Variants in PCDHGB6 observed in about 807,000 individuals in gnomAD.
The protein encoded by PCDHGB6 is protocadherin gamma subfamily B, 6, also known as protocadherin gamma-B6.
A neutral mutation model predicts 59.1 loss-of-function variants in PCDHGB6; 51 were observed. The observed-to-expected ratio is 0.86, with a 90% CI of 0.69 to 1.09. The LOEUF (loss-of-function observed/expected upper bound fraction) is 1.09, where lower values mean the gene tolerates loss of function less well. PCDHGB6 is among the 50% of genes least tolerant of loss of function. The pLI, the probability that PCDHGB6 is intolerant of heterozygous loss-of-function variation, is 0.00. For missense variants in PCDHGB6, 1,148 were observed against 1,205.1 expected, an observed-to-expected ratio of 0.95 and a Z score of 0.70; for synonymous variants, 466 against 495.1, an observed-to-expected ratio of 0.94 and a Z score of 0.78.
chr5:141,470,550 A>G (rs899475300), intron 1 of PCDHGB6, among the ~76,000 whole-genome samples: 1 of 152,120 alleles, frequency 6.6e-6, no homozygotes, highest in Non-Finnish European at 1.5e-5. Flanking sequence ...ATTTATTGAG[A>G]GTTTCCTCTG....
chr5:141,466,812 G>A (rs1394979761), intron 1 of PCDHGB6, among the ~76,000 whole-genome samples: 3 of 151,940 alleles, frequency 2.0e-5, no homozygotes, highest in Non-Finnish European at 4.4e-5. Flanking sequence ...ATTCAGACAT[G>A]GTATAACAAG....
Position 141,431,278 on chromosome 5 carries a change from C to A in PCDHGB6, c.2418+20658C>A, listed in dbSNP as rs755533628. On this transcript the variant is annotated intron_variant, in intron 1 of 3. Transcript: ENST00000520790. The surrounding 1 kb of genome is among the most constrained non-coding windows in gnomAD (Gnocchi z 4.8). ...ACTCTCTGCAGAGCTACGAGCTCAG[C>A]CCGAACACTCACTTCTCCCTCATCG... 6.2e-7 allele frequency: 1 copy of A among 1,614,170 alleles called. No individual in the cohort carries two copies. The highest frequency in any genetic ancestry group is 8.5e-7 in the Non-Finnish European group (1 of 1,180,038).
intron 1 of PCDHGB6, among the ~76,000 whole-genome samples, chr5:141,471,992 C>T (rs2099268578): frequency 6.6e-6 from 1 of 152,070 alleles, no homozygotes; most frequent in Non-Finnish European, 1.5e-5. Flanking sequence ...TATTAAAAAT[C>T]CCTGCATCGT....
rs781234442 is a variant in PCDHGB6, at chr5:141,409,729, G to A, written c.1527G>A (p.Ala509=). ...LAVSSYVSVS[A]QSGVVFAQRA... is the part of the protein sequence containing the mutation. ...TGTCGTCATACGTGTCAGTGAGCGC[G>A]CAGAGCGGGGTGGTGTTCGCGCAGC... The change falls in exon 1 of 4, where the codon GCG becomes GCA. Residue 509 remains alanine (A), a synonymous_variant. Coordinates refer to ENST00000520790, the MANE Select transcript of PCDHGB6 (RefSeq NM_018926.3). 161 of 1,612,966 alleles carry A rather than the reference G, an allele frequency of 1.0e-4. No homozygotes were observed. Among genetic ancestry groups the A allele is most frequent in the Non-Finnish European group, 1.7e-6 (2 of 1,179,878 alleles).
chr5:141,448,505 T>C (rs1041076095), intron 1 of PCDHGB6, among the ~76,000 whole-genome samples: 24 of 152,172 alleles, frequency 1.6e-4, no homozygotes, highest in African/African-American at 5.8e-4. Flanking sequence ...AGGTAAACAT[T>C]TTATAACTTT....
chr5:141,463,644 G>C (rs1356692609), intron 1 of PCDHGB6, among the ~76,000 whole-genome samples: 1 of 151,596 alleles, frequency 6.6e-6, no homozygotes, highest in Non-Finnish European at 1.5e-5. Context: ...GTAGAGACGG[G>C]GTTTCACCGT....
At chr5:141,453,331 C>G (rs1224258701) in intron 1 of PCDHGB6, among the ~76,000 whole-genome samples, 1 of 151,962 alleles carries the variant, frequency 6.6e-6, no homozygotes, top group East Asian at 1.9e-4. Flanking sequence ...TGGGGTCTCA[C>G]TATGTTTCCC....
chr5:141,408,878 G>A lies in PCDHGB6; in HGVS notation c.676G>A (p.Ala226Thr). Reference protein sequence around the residue: ...DGGDPPRSATAHIEISVKDTN... With the variant: ...DGGDPPRSATTHIEISVKDTN... The stretch of plus-strand genomic sequence containing the variant: ...AGGGGACCCACCAAGAAGTGCCACC[G>A]CTCACATAGAAATTTCTGTCAAGGA... Residue 226 changes from alanine (A) to threonine (T), a missense_variant, in exon 1 of 4, where the codon GCT (alanine) becomes ACT (threonine). Around this residue, in one of 5 missense-constraint regions of PCDHGB6, gnomAD observed 307 missense variants for 323.8 expected, o/e 0.95. Coordinates refer to ENST00000520790, the MANE Select transcript of PCDHGB6 (RefSeq NM_018926.3). 1.9e-6 allele frequency: 3 copies of A among 1,613,048 alleles called. No homozygotes were observed. Among genetic ancestry groups the A allele is most frequent in the Non-Finnish European group, 1.7e-6 (2 of 1,179,590 alleles).
At chr5:141,421,169 T>G in intron 1 of PCDHGB6, 2 of 1,340,600 alleles carry the variant, frequency 1.5e-6, no homozygotes, top group South Asian at 1.5e-5. Flanking sequence ...CATAGATACA[T>G]AAGCCGATTC....
intron 1 of PCDHGB6, chr5:141,428,311 G>A: frequency 3.0e-6 from 2 of 671,726 alleles, no homozygotes; most frequent in Non-Finnish European, 5.3e-6. Context: ...CCTGGTCGTG[G>A]CCTTGGCCTT....
At chr5:141,427,426 C>G (rs569185252) in intron 1 of PCDHGB6, 1 of 469,896 alleles carries the variant, frequency 2.1e-6, no homozygotes, top group Admixed American at 2.3e-5. Flanking sequence ...GGGGAGGTTA[C>G]ATGCCTCATA....
chr5:141,458,549 T>A (rs2098948402), intron 1 of PCDHGB6, among the ~76,000 whole-genome samples: 1 of 148,072 alleles, frequency 6.8e-6, no homozygotes, highest in African/African-American at 2.6e-5. Flanking sequence ...ATTTTGTTTG[T>A]TTGTTTTGGT....
Position 141,490,142 on chromosome 5 carries a change from C to A in PCDHGB6, c.2419-4665C>A. On this transcript the variant is annotated intron_variant, in intron 1 of 3. Coordinates refer to ENST00000520790, the MANE Select transcript of PCDHGB6 (RefSeq NM_018926.3). This position sits in a 1 kb window ranked among gnomAD's most constrained non-coding sequence, Gnocchi z 5.4. The stretch of plus-strand genomic sequence containing the variant: ...TTTGGCCTAGACCCTAGCAGTGGGG[C>A]AATCCATGTGTTGGGTCCCATAGAC... The A allele has an allele frequency of 1.9e-6, 3 of 1,614,220 alleles. No individual in the cohort carries two copies. The highest frequency in any genetic ancestry group is 2.7e-5 in the African/African-American group (2 of 75,060).
rs144113016 is a variant in PCDHGB6 at position 141,428,135 on chromosome 5, G to T, written c.2418+17515G>T. On this transcript the variant is annotated intron_variant, in intron 1 of 3. Coordinates refer to ENST00000520790, the MANE Select transcript of PCDHGB6 (RefSeq NM_018926.3). Reference sequence around the variant, plus strand: ...CCATCGAGCCCGGGCTTTTCAGCCTGGGGCTGCACACGGGAACCTGCTGGT... The same window carrying T: ...CCATCGAGCCCGGGCTTTTCAGCCTTGGGCTGCACACGGGAACCTGCTGGT... 347 of 1,601,046 alleles carry T rather than the reference G, an allele frequency of 2.2e-4. No homozygotes were observed. The African/African-American group carries it at 3.9e-3, about 18-fold the overall frequency.
chr5:141,506,061 G>A (rs1260513343), intron 3 of PCDHGB6, among the ~76,000 whole-genome samples: 2 of 152,144 alleles, frequency 1.3e-5, no homozygotes, highest in Non-Finnish European at 2.9e-5. Flanking sequence ...GGTTGACTAA[G>A]GGCTTCCTTT....
At chr5:141,419,392 C>A (rs1338481275) in intron 1 of PCDHGB6, 1 of 1,613,612 alleles carries the variant, frequency 6.2e-7, no homozygotes, top group Non-Finnish European at 8.5e-7. Flanking sequence ...GCGCGCAGAG[C>A]GGGGTGGTGT....
chr5:141,498,230 C>T (rs2099782452), intron 2 of PCDHGB6, among the ~76,000 whole-genome samples: 1 of 152,200 alleles, frequency 6.6e-6, no homozygotes, highest in African/African-American at 2.4e-5. Flanking sequence ...GATGGTCAGG[C>T]ATACCAGCTT....
chr5:141,450,900 C>T (rs907024071), intron 1 of PCDHGB6, among the ~76,000 whole-genome samples: 9 of 151,048 alleles, frequency 6.0e-5, no homozygotes, highest in Non-Finnish European at 1.2e-4. Flanking sequence ...TATCGGCTCA[C>T]TGCAACCGCT....
At chr5:141,495,102 C>A (rs1344771035) in intron 2 of PCDHGB6, among the ~76,000 whole-genome samples, 3 of 152,160 alleles carry the variant, frequency 2.0e-5, no homozygotes, top group Non-Finnish European at 4.4e-5. Flanking sequence ...CTCGCCACGA[C>A]CGGCACCTTT....
Sources: gnomAD v4.1 joint callset for allele counts (sites outside exome capture counted in the v4.1 genomes callset) on GRCh38, gnomAD v4.1.1 for gene constraint, gnomAD v4.1.1 regional missense constraint, Gnocchi (gnomAD v3.1) non-coding constraint, MANE v1.5 for transcripts, NCBI Gene and HGNC (gene_info 2026-07-23, HGNC 2026-07-21) for gene names.